Variants in NTSR1 observed in about 807,000 individuals in gnomAD.
The protein encoded by NTSR1 is neurotensin receptor type 1.
In NTSR1, 29 loss-of-function variants were observed where a neutral mutation model predicts 31.2. The ratio of observed to expected loss-of-function variants is 0.93; its 90% CI spans 0.69 to 1.27. The LOEUF (loss-of-function observed/expected upper bound fraction) is 1.27, where lower values mean the gene tolerates loss of function less well. NTSR1 is among the 50% of genes most tolerant of loss of function. The pLI, the probability that NTSR1 is intolerant of heterozygous loss-of-function variation, is 0.00. For missense variants in NTSR1, 697 were observed against 595.4 expected (o/e 1.17, Z -1.78); for synonymous variants, 282 against 269.9 (o/e 1.04, Z -0.44).
chr20:62,729,297 C>T (rs1988964019), intron 1 of NTSR1, among the ~76,000 whole-genome samples: 1 of 152,244 alleles, frequency 6.6e-6, no homozygotes, highest in African/African-American at 2.4e-5. Flanking sequence ...GGGTGGCCTG[C>T]TCAACACAGG....
At chr20:62,735,706 TC>T (rs1324511997) in intron 1 of NTSR1, among the ~76,000 whole-genome samples, 1 of 150,922 alleles carries the variant, frequency 6.6e-6, no homozygotes, top group Non-Finnish European at 1.5e-5. Flanking sequence ...AACACGGGAG[TC>T]CCCCCGACAC....
chr20:62,741,786 GGCATCT>G lies in NTSR1; in HGVS notation c.715-12896_715-12891del, dbSNP rs1989211611. 6.7e-6 allele frequency among the ~76,000 whole-genome samples: 1 copy of G among 149,728 alleles called. No individual in the cohort carries two copies. The stretch of plus-strand genomic sequence containing the variant: ...CAAAACCTGGCAATGGCCCACAGAA[GGCATCT>G]GCTCAGGTGAGGTACATGCCACAAA... On this transcript the variant is annotated intron_variant, in intron 1 of 3. Transcript: ENST00000370501. The surrounding 1 kb of genome is among the most constrained non-coding windows in gnomAD (Gnocchi z 4.3).
At chr20:62,756,984 T>A (rs911631758) in intron 2 of NTSR1, among the ~76,000 whole-genome samples, 1 of 152,260 alleles carries the variant, frequency 6.6e-6, no homozygotes, top group African/African-American at 2.4e-5. Flanking sequence ...CAAGGTTAAC[T>A]CATTATCAGA....
chr20:62,725,479 C>T (rs180816097), intron 1 of NTSR1, among the ~76,000 whole-genome samples: 2 of 152,200 alleles, frequency 1.3e-5, no homozygotes, highest in Non-Finnish European at 1.5e-5. Flanking sequence ...CGCTGCCTTC[C>T]GGTCCCATCA....
intron 1 of NTSR1, among the ~76,000 whole-genome samples, chr20:62,721,807 G>A (rs1988830945): frequency 2.0e-5 from 3 of 152,144 alleles, no homozygotes; most frequent in African/African-American, 7.2e-5. Context: ...CAGGAAGCCC[G>A]AGTATTCCAT....
chr20:62,717,457 A>G (rs1208883487), intron 1 of NTSR1, among the ~76,000 whole-genome samples: 2 of 152,152 alleles, frequency 1.3e-5, no homozygotes, highest in Non-Finnish European at 2.9e-5. Context: ...CAGCTTCACC[A>G]CTGGCCAGCA....
chr20:62,738,126 C>T (rs1347607763), intron 1 of NTSR1, among the ~76,000 whole-genome samples: 1 of 134,196 alleles, frequency 7.5e-6, no homozygotes, highest in African/African-American at 3.5e-5. Context: ...ACCGTCAGGG[C>T]TTTTGAAGGC....
chr20:62,760,526 G>A lies in NTSR1; in HGVS notation c.*259G>A, dbSNP rs1600740694. 1 of 435,990 alleles carries A rather than the reference G, an allele frequency of 2.3e-6. No homozygotes were observed. The highest frequency in any genetic ancestry group is 2.0e-5 in the African/African-American group (1 of 51,066). 27.0% of individuals were successfully genotyped at this position (435,990 alleles called of 1,614,324 possible). The stretch of plus-strand genomic sequence containing the variant: ...AGAACAAGAGAGCGCTCCTCTCCCA[G>A]ATAGGAAAAGGGCCTCTAACAAGGA... On this transcript the variant is annotated 3_prime_UTR_variant, in exon 4 of 4. Transcript: ENST00000370501.
Position 62,709,855 on chromosome 20 carries a change from C to T in NTSR1, c.648C>T (p.Gly216=). ...GCGAGCAGAACCGCAGCGCCGACGG[C>T]CAGCACGCCGGCGGCCTGGTGTGCA... is the stretch of plus-strand genomic sequence containing the variant. ...TMGEQNRSAD[G]QHAGGLVCTP... is the part of the protein sequence containing the mutation. The change falls in exon 1 of 4, where the codon GGC becomes GGT. Residue 216 remains glycine (G), a synonymous_variant. Transcript: ENST00000370501. 6.2e-7 allele frequency: 1 copy of T among 1,608,372 alleles called. No homozygotes were observed. Among genetic ancestry groups the T allele is most frequent in the South Asian group, 1.1e-5 (1 of 90,938 alleles).
intron 1 of NTSR1, chr20:62,735,454 G>C (rs907590593): frequency 3.3e-5 from 5 of 152,224 alleles, no homozygotes; most frequent in Non-Finnish European, 7.3e-5. Context: ...AAAGCCCAAC[G>C]GCCTTGCAGT....
Position 62,745,360 on chromosome 20 carries a change from C to T in NTSR1, c.715-9325C>T, listed in dbSNP as rs1158135443. Among the ~76,000 whole-genome samples, 1 of 151,434 alleles carries T rather than the reference C, an allele frequency of 6.6e-6. No homozygotes were observed. Among genetic ancestry groups the T allele is most frequent in the African/African-American group, 2.4e-5 (1 of 41,108 alleles). ...ATACAGAGACACAAGAAAACAGAGA[C>T]AGAGATAGAGACAGAGACACAGAGA... On this transcript the variant is annotated intron_variant, in intron 1 of 3. Transcript: ENST00000370501. The surrounding 1 kb of genome is among the most constrained non-coding windows in gnomAD (Gnocchi z 4.1).
rs574844491 is a variant in NTSR1 at position 62,716,107 on chromosome 20, C to T, written c.714+6186C>T. Among the ~76,000 whole-genome samples, 4 of 152,318 alleles carry T rather than the reference C, an allele frequency of 2.6e-5. 1 individual carries two copies. The highest frequency in any genetic ancestry group is 9.6e-5 in the African/African-American group (4 of 41,562). On this transcript the variant is annotated intron_variant, in intron 1 of 3. Coordinates refer to ENST00000370501, the MANE Select transcript of NTSR1 (RefSeq NM_002531.3). ...AAGGGCACAGTTGAGCGGCGTGAAG[C>T]ACGTTCACATTGCTGTGCAACCGTC...
At position 62,741,041 on chromosome 20, in the gene NTSR1, C is replaced by T. The variant is rs949724684; in HGVS notation, c.715-13644C>T. On this transcript the variant is annotated intron_variant, in intron 1 of 3. Coordinates refer to ENST00000370501, the MANE Select transcript of NTSR1 (RefSeq NM_002531.3). The surrounding 1 kb of genome is among the most constrained non-coding windows in gnomAD (Gnocchi z 4.3). Reference sequence around the variant, plus strand: ...GGCTCAGCGAGGGGAGGGCCGTTCCCGGGGCTGAGGGCCAGGGGCCTCCCC... The same window carrying T: ...GGCTCAGCGAGGGGAGGGCCGTTCCTGGGGCTGAGGGCCAGGGGCCTCCCC... 2.6e-5 allele frequency among the ~76,000 whole-genome samples: 4 copies of T among 152,204 alleles called. No homozygotes were observed. The highest frequency in any genetic ancestry group is 1.3e-4 in the Admixed American group (2 of 15,286).
In NTSR1 at chr20:62,760,048, C is replaced by T. The variant is rs1440371354; in HGVS notation, c.1038C>T (p.Tyr346=). 1 of 1,614,110 alleles carries T rather than the reference C, an allele frequency of 6.2e-7. No homozygotes were observed. Among genetic ancestry groups the T allele is most frequent in the Middle Eastern group, 1.6e-4 (1 of 6,062 alleles). The change falls in exon 4 of 4, where the codon TAC becomes TAT. Residue 346 remains tyrosine, a synonymous_variant. Coordinates refer to ENST00000370501, the MANE Select transcript of NTSR1 (RefSeq NM_002531.3). ...TCTATGACTTCTACCACTACTTCTA[C>T]ATGGTGACCAACGCACTCTTCTACG... ...PFLYDFYHYF[Y]MVTNALFYVS... is the part of the protein sequence containing the mutation.
At chr20:62,728,287 G>A (rs773048584) in intron 1 of NTSR1, among the ~76,000 whole-genome samples, 3 of 152,210 alleles carry the variant, frequency 2.0e-5, no homozygotes, top group Middle Eastern at 3.4e-3. Flanking sequence ...TTCCCTCCCC[G>A]GCTACTCAGC....
intron 1 of NTSR1, among the ~76,000 whole-genome samples, chr20:62,737,617 G>A (rs563184462): frequency 1.2e-4 from 19 of 152,154 alleles, no homozygotes; most frequent in Admixed American, 3.3e-4. Flanking sequence ...GAGAGATGCC[G>A]TCCCTGCCTG....
At chr20:62,713,732 C>A (rs985400990) in intron 1 of NTSR1, among the ~76,000 whole-genome samples, 2 of 152,180 alleles carry the variant, frequency 1.3e-5, no homozygotes, top group African/African-American at 4.8e-5. Context: ...TGGGCTGCAG[C>A]CCTGCCACAG....
rs545772497 is a variant in NTSR1 at position 62,745,414 on chromosome 20, AACAG to A, written c.715-9265_715-9262del. 1.1e-3 allele frequency among the ~76,000 whole-genome samples: 165 copies of A among 152,188 alleles called. No individual in the cohort carries two copies. Among genetic ancestry groups the A allele is most frequent in the East Asian group, 1.5e-3 (8 of 5,168 alleles). The stretch of plus-strand genomic sequence containing the variant: ...AGAGATAGAGACACAGACTCAGGAA[AACAG>A]ACAGAGAGAGACACAGGAGAACAGA... On this transcript the variant is annotated intron_variant, in intron 1 of 3. Coordinates refer to ENST00000370501, the MANE Select transcript of NTSR1 (RefSeq NM_002531.3). This position sits in a 1 kb window ranked among gnomAD's most constrained non-coding sequence, Gnocchi z 4.1.
At position 62,760,192 on chromosome 20, in the gene NTSR1, C is replaced by A. The variant is rs1305507518; in HGVS notation, c.1182C>A (p.Ala394=). 2 of 1,613,894 alleles carry A rather than the reference C, an allele frequency of 1.2e-6. No homozygotes were observed. Among genetic ancestry groups the A allele is most frequent in the African/African-American group, 2.7e-5 (2 of 74,938 alleles). ...PVWRRRRKRP[A]FSRKADSVSS... is the part of the protein sequence containing the mutation. ...GGCGGCGCAGGAGGAAGAGGCCAGC[C>A]TTCTCGAGGAAGGCCGACAGCGTGT... The change falls in exon 4 of 4, where the codon GCC becomes GCA. Residue 394 remains alanine, a synonymous_variant. Coordinates refer to ENST00000370501, the MANE Select transcript of NTSR1 (RefSeq NM_002531.3).
Sources: allele counts gnomAD v4.1 joint callset (sites outside exome capture counted in the v4.1 genomes callset), GRCh38; gene constraint gnomAD v4.1.1; non-coding constraint Gnocchi (gnomAD v3.1); transcripts MANE v1.5; gene names NCBI Gene and HGNC (gene_info 2026-07-23, HGNC 2026-07-21).